Variants in SNTB1 observed in about 807,000 individuals in gnomAD.
SNTB1 encodes the protein syntrophin beta 1, also known as beta-1-syntrophin.
A neutral mutation model predicts 48.9 loss-of-function variants in SNTB1; 36 were observed. The ratio of observed to expected loss-of-function variants is 0.74; its 90% CI spans 0.56 to 0.97. SNTB1 has a LOEUF of 0.97. Ranked by LOEUF, SNTB1 falls within the 50% of genes least tolerant of loss-of-function variation. The pLI is 0.00. For missense variants in SNTB1, 786 were observed against 703.4 expected (o/e 1.12, Z -1.33); for synonymous variants, 299 against 294.6 (o/e 1.01, Z -0.15).
chr8:120,776,982 A>C (rs2130118887), intron 1 of SNTB1: 2 of 152,334 alleles, frequency 1.3e-5, no homozygotes, highest in South Asian at 4.1e-4. Flanking sequence ...AGGCCTTTTA[A>C]TTAGAAGTAA....
chr8:120,691,721 C>T (rs776867195), intron 2 of SNTB1, among the ~76,000 whole-genome samples: 20 of 152,084 alleles, frequency 1.3e-4, no homozygotes, highest in Non-Finnish European at 2.9e-4. Flanking sequence ...CAACTAATTC[C>T]AATTTATTTA....
intron 1 of SNTB1, among the ~76,000 whole-genome samples, chr8:120,716,272 A>G (rs1411417397): frequency 6.6e-6 from 1 of 152,218 alleles, no homozygotes; most frequent in African/African-American, 2.4e-5. Context: ...GAGTTCCATT[A>G]TTATTATCAT....
intron 2 of SNTB1, among the ~76,000 whole-genome samples, chr8:120,689,990 G>T (rs1191918661): frequency 1.3e-5 from 2 of 152,070 alleles, no homozygotes; most frequent in African/African-American, 4.8e-5. Flanking sequence ...TGTTGTTTGG[G>T]TCTTCCATAT....
intron 1 of SNTB1, among the ~76,000 whole-genome samples, chr8:120,716,052 A>C (rs1587110714): frequency 6.6e-6 from 1 of 152,308 alleles, no homozygotes; most frequent in Non-Finnish European, 1.5e-5. Context: ...GGTTTACATC[A>C]TCATCTTTCC....
At chr8:120,737,661 C>T (rs760018914) in intron 1 of SNTB1, among the ~76,000 whole-genome samples, 1 of 152,136 alleles carries the variant, frequency 6.6e-6, no homozygotes, top group African/African-American at 2.4e-5. Context: ...AAACCTGGGG[C>T]CAGCCATGTC....
rs1393073178 is a variant in SNTB1 at position 120,768,659 on chromosome 8, A to G, written c.571+42614T>C. 2.0e-5 allele frequency: 3 copies of G among 152,124 alleles called. No individual in the cohort carries two copies. The East Asian group carries it at 5.8e-4, about 29-fold the overall frequency. 9.4% of individuals were successfully genotyped at this position (152,124 alleles called of 1,614,324 possible). A position where few individuals can be genotyped will look rare whatever the true frequency, so the allele number is the denominator to read the frequency against. On this transcript the variant is annotated intron_variant, in intron 1 of 6. Coordinates refer to ENST00000517992, the MANE Select transcript of SNTB1 (RefSeq NM_021021.4). ...CACATATATTTGTTTGATTTTTGAG[A>G]TGTTGAAAGAGAGAGAGGATGACGT...
intron 1 of SNTB1, among the ~76,000 whole-genome samples, chr8:120,776,106 A>G (rs1819732131): frequency 6.6e-6 from 1 of 152,232 alleles, no homozygotes. Flanking sequence ...CCAAAGGATT[A>G]TAAATCATGC....
chr8:120,810,456 C>T (rs1304089840), intron 1 of SNTB1, among the ~76,000 whole-genome samples: 2 of 152,144 alleles, frequency 1.3e-5, no homozygotes, highest in Admixed American at 1.3e-4. Flanking sequence ...AGAGTAGTTT[C>T]TAGGCTCTTC....
At chr8:120,616,977 C>A (rs1215358135) in intron 3 of SNTB1, among the ~76,000 whole-genome samples, 1 of 152,230 alleles carries the variant, frequency 6.6e-6, no homozygotes, top group Admixed American at 6.5e-5. Context: ...ATCAAATCAT[C>A]TGCTCTGGCA....
intron 3 of SNTB1, among the ~76,000 whole-genome samples, chr8:120,594,412 A>G (rs1302057924): frequency 6.6e-6 from 1 of 152,022 alleles, no homozygotes; most frequent in Non-Finnish European, 1.5e-5. Context: ...TAATTTTTGT[A>G]TTTTTAGTAG....
At chr8:120,670,503 A>G (rs1452599455) in intron 2 of SNTB1, among the ~76,000 whole-genome samples, 1 of 152,216 alleles carries the variant, frequency 6.6e-6, no homozygotes, top group East Asian at 1.9e-4. Context: ...AGGCTTGTGA[A>G]GTAGATGTTA....
chr8:120,683,128 A>G (rs913583059), intron 2 of SNTB1, among the ~76,000 whole-genome samples: 3 of 151,880 alleles, frequency 2.0e-5, no homozygotes, highest in South Asian at 2.1e-4. Flanking sequence ...TGATCCACCC[A>G]CCTCGGCCTC....
intron 5 of SNTB1, among the ~76,000 whole-genome samples, chr8:120,548,132 C>T (rs938301892): frequency 1.3e-5 from 2 of 151,842 alleles, no homozygotes; most frequent in African/African-American, 4.8e-5. Flanking sequence ...GCGGCACTTT[C>T]CTCTCCTCTC....
At chr8:120,687,972 C>A (rs867600895) in intron 2 of SNTB1, among the ~76,000 whole-genome samples, 6 of 152,184 alleles carry the variant, frequency 3.9e-5, no homozygotes, top group South Asian at 2.1e-4. Context: ...CTAAGGGTAC[C>A]TTGTAGCAAC....
At chr8:120,739,042 A>G (rs1334258238) in intron 1 of SNTB1, among the ~76,000 whole-genome samples, 4 of 152,310 alleles carry the variant, frequency 2.6e-5, no homozygotes, top group East Asian at 1.9e-4. Flanking sequence ...TGGGCATAGC[A>G]ATGAACAGTG....
At chr8:120,672,687 A>G (rs1484494639) in intron 2 of SNTB1, among the ~76,000 whole-genome samples, 1 of 152,244 alleles carries the variant, frequency 6.6e-6, no homozygotes, top group Non-Finnish European at 1.5e-5. Flanking sequence ...AGAGTTAAGT[A>G]TCAGAGCCAT....
intron 1 of SNTB1, among the ~76,000 whole-genome samples, chr8:120,778,844 A>G (rs1295760175): frequency 6.6e-6 from 1 of 152,222 alleles, no homozygotes; most frequent in East Asian, 1.9e-4. Flanking sequence ...AAAACTGAAA[A>G]AACAATGACA....
intron 6 of SNTB1, 43 bp from the exon 7 acceptor site, chr8:120,539,012 T>C: frequency 6.8e-7 from 1 of 1,479,020 alleles, no homozygotes; most frequent in Non-Finnish European, 9.3e-7. Flanking sequence ...TTTAAATTAA[T>C]GCTTGATGTA....
intron 2 of SNTB1, among the ~76,000 whole-genome samples, chr8:120,646,890 T>A (rs1817306842): frequency 6.6e-6 from 1 of 151,858 alleles, no homozygotes; most frequent in African/African-American, 2.4e-5. Flanking sequence ...TGGTTTAGTC[T>A]TGGGAGAGTG....
Sources: gnomAD v4.1 joint callset for allele counts (sites outside exome capture counted in the v4.1 genomes callset) on GRCh38, gnomAD v4.1.1 for gene constraint, MANE v1.5 for transcripts, NCBI Gene and HGNC (gene_info 2026-07-23, HGNC 2026-07-21) for gene names.